LMBRD1: variants seen among roughly 807,000 people sequenced by gnomAD.
The protein encoded by LMBRD1 is LMBR1 domain containing 1.
LMBRD1 carries 64 observed loss-of-function variants against 74.8 expected under a neutral mutation model. That is an observed-to-expected ratio of 0.86 (90% confidence interval 0.70 to 1.05). The LOEUF (loss-of-function observed/expected upper bound fraction) is 1.05. Ranked by LOEUF, LMBRD1 falls within the 50% of genes least tolerant of loss-of-function variation. The probability of loss-of-function intolerance (pLI) is 0.00; values close to 1 mark genes in which losing one functional copy is unlikely to be tolerated. For missense variants in LMBRD1, 652 were observed against 645.9 expected, an observed-to-expected ratio of 1.01 and a Z score of -0.10; for synonymous variants, 204 against 216.3, an observed-to-expected ratio of 0.94 and a Z score of 0.50.
intron 3 of LMBRD1, among the ~76,000 whole-genome samples, chr6:69,779,150 CACTCCAGCCTGGGCA>C (rs1459317849): frequency 7.0e-6 from 1 of 143,746 alleles, no homozygotes; most frequent in Non-Finnish European, 1.5e-5. Context: ...TGTGCCACTG[CACTCCAGCCTGGGCA>C]ACAGGGCGAG....
chr6:69,792,264 G>A (rs1766104127), intron 1 of LMBRD1, among the ~76,000 whole-genome samples: 1 of 152,310 alleles, frequency 6.6e-6, no homozygotes, highest in East Asian at 1.9e-4. Context: ...TCATGACAGT[G>A]TCAAGAGCCT....
chr6:69,699,058 T>A lies in LMBRD1; in HGVS notation c.1323A>T (p.Gln441His). 1 of 1,595,478 alleles carries A rather than the reference T, an allele frequency of 6.3e-7. No individual in the cohort carries two copies. Among genetic ancestry groups the A allele is most frequent in the Non-Finnish European group, 8.6e-7 (1 of 1,164,004 alleles). Residue 441 changes from glutamine to histidine, a missense_variant, in exon 13 of 16, where the codon CAA becomes CAT. Physicochemically the swap from Gln to His is conservative, Grantham distance 24 (BLOSUM62 0). This residue lies in a region of LMBRD1 where 598 missense variants were observed against 581.8 expected (regional missense o/e 1.03). Transcript: ENST00000649934. ...LAPQYVMYGS[Q>H]NYLIETNITS... ...TTTCACTTACCTCTATTAAGTAATT[T>A]TGGCTTCCATACATAACATATTGGG...
chr6:69,783,549 A>AT (rs1389432249), intron 2 of LMBRD1, among the ~76,000 whole-genome samples: 1 of 152,008 alleles, frequency 6.6e-6, no homozygotes, highest in Non-Finnish European at 1.5e-5. Flanking sequence ...TAATTTTTGT[A>AT]TTTTTTGTAG....
intron 3 of LMBRD1, among the ~76,000 whole-genome samples, 191 bp from the exon 4 acceptor site, chr6:69,752,547 T>A (rs1765181716): frequency 6.6e-6 from 1 of 152,170 alleles, no homozygotes; most frequent in South Asian, 2.1e-4. Flanking sequence ...AAATCAACAG[T>A]ATTATCAGAA....
intron 1 of LMBRD1, among the ~76,000 whole-genome samples, chr6:69,792,489 C>T (rs551161513): frequency 4.6e-4 from 70 of 152,324 alleles, no homozygotes; most frequent in Non-Finnish European, 8.8e-4. Flanking sequence ...CATGTCATTG[C>T]TTCATACTGC....
rs1766033656 is a variant in LMBRD1 at position 69,697,635 on chromosome 6, T to C, written c.1345A>G (p.Ile449Val). 6 of 1,570,054 alleles carry C rather than the reference T, an allele frequency of 3.8e-6. No homozygotes were observed. The highest frequency in any genetic ancestry group is 5.3e-6 in the Non-Finnish European group (6 of 1,141,322). Residue 449 changes from isoleucine (I) to valine (V), a missense_variant, in exon 14 of 16, where the codon ATA (isoleucine) becomes GTA (valine). By Grantham distance (29) the Ile-to-Val change is conservative. This residue lies in a region of LMBRD1 where 598 missense variants were observed against 581.8 expected (regional missense o/e 1.03). Coordinates refer to ENST00000649934, the MANE Select transcript of LMBRD1 (RefSeq NM_018368.4). Reference sequence around the variant, plus strand: ...TTGCCTTTATGATTATCAGAAGTTATATTAGTCTGAAAGATAAAAATACAG... The same window carrying C: ...TTGCCTTTATGATTATCAGAAGTTACATTAGTCTGAAAGATAAAAATACAG... ...GSQNYLIETNITSDNHKGNST... is the reference protein window; with the variant it reads ...GSQNYLIETNVTSDNHKGNST...
intron 2 of LMBRD1, among the ~76,000 whole-genome samples, chr6:69,787,183 T>G (rs1765970244): frequency 6.6e-6 from 1 of 152,210 alleles, no homozygotes; most frequent in South Asian, 2.1e-4. Flanking sequence ...GGCACCTGAA[T>G]TCAGTAATAA....
chr6:69,676,220 T>C lies in LMBRD1; in HGVS notation c.1561A>G (p.Ile521Val). 2 of 1,613,494 alleles carry C rather than the reference T, an allele frequency of 1.2e-6. No homozygotes were observed. Among genetic ancestry groups the C allele is most frequent in the South Asian group, 1.1e-5 (1 of 91,076 alleles). Residue 521 changes from isoleucine (I) to valine (V), a missense_variant, in exon 16 of 16, where the codon ATT becomes GTT. Ile to Val is a conservative substitution (Grantham distance 29). Transcript: ENST00000649934. ...TCTGAATCTTCATCTACTCCTTCAA[T>C]AACCGATTTCTTCCCTTTACAACAG... is the stretch of plus-strand genomic sequence containing the variant. Reference protein sequence around the residue: ...VSCCKGKKSVIEGVDEDSDIS... With the variant: ...VSCCKGKKSVVEGVDEDSDIS...
chr6:69,750,012 A>G (rs1450536338), intron 4 of LMBRD1, among the ~76,000 whole-genome samples: 1 of 5,754 alleles, frequency 1.7e-4, no homozygotes, highest in African/African-American at 9.7e-4. Context: ...ACATATACAT[A>G]CTCATATATA....
chr6:69,683,590 T>G (rs1765705292), intron 14 of LMBRD1, among the ~76,000 whole-genome samples: 1 of 152,020 alleles, frequency 6.6e-6, no homozygotes, highest in Non-Finnish European at 1.5e-5. Context: ...TCAAATGAGG[T>G]TATCAACACA....
chr6:69,676,991 A>G (rs1341155303), intron 14 of LMBRD1, among the ~76,000 whole-genome samples: 1 of 152,178 alleles, frequency 6.6e-6, no homozygotes, highest in Non-Finnish European at 1.5e-5. Flanking sequence ...TTCCTCACCC[A>G]TTGTAAGTTT....
chr6:69,795,500 G>A (rs574951048), intron 1 of LMBRD1, among the ~76,000 whole-genome samples: 2 of 152,246 alleles, frequency 1.3e-5, no homozygotes, highest in South Asian at 4.2e-4. Context: ...CTTCTGTACC[G>A]TAAATGTTTA....
intron 8 of LMBRD1, among the ~76,000 whole-genome samples, chr6:69,716,468 T>G (rs1397237681): frequency 6.6e-6 from 1 of 152,150 alleles, no homozygotes; most frequent in Non-Finnish European, 1.5e-5. Context: ...TGGTCTTCTC[T>G]TTTTATATTT....
chr6:69,688,476 C>T (rs1181040445), intron 14 of LMBRD1, among the ~76,000 whole-genome samples: 1 of 150,174 alleles, frequency 6.7e-6, no homozygotes, highest in East Asian at 2.0e-4. Flanking sequence ...TTAGGAATCT[C>T]AGAAGTTCAA....
At chr6:69,757,430 A>C (rs1412135082) in intron 3 of LMBRD1, among the ~76,000 whole-genome samples, 1 of 152,226 alleles carries the variant, frequency 6.6e-6, no homozygotes, top group Non-Finnish European at 1.5e-5. Context: ...TCTAGTAGTC[A>C]ATGATTCAAA....
At chr6:69,703,838 A>G (rs1174894132) in intron 9 of LMBRD1, among the ~76,000 whole-genome samples, 2 of 152,112 alleles carry the variant, frequency 1.3e-5, no homozygotes, top group Non-Finnish European at 2.9e-5. Flanking sequence ...CCAAATTTTA[A>G]CATGTTACCT....
chr6:69,775,510 GC>G (rs1765681259), intron 3 of LMBRD1, among the ~76,000 whole-genome samples: 1 of 152,172 alleles, frequency 6.6e-6, no homozygotes, highest in Non-Finnish European at 1.5e-5. Flanking sequence ...AACTAATGGT[GC>G]AAAAACAACA....
At chr6:69,704,495 T>G (rs901649796) in intron 9 of LMBRD1, among the ~76,000 whole-genome samples, 5 of 152,066 alleles carry the variant, frequency 3.3e-5, no homozygotes, top group Admixed American at 1.3e-4. Context: ...ATTTAGGCAA[T>G]AGGAGCCCCT....
chr6:69,744,924 C>G (rs932571967), intron 5 of LMBRD1, among the ~76,000 whole-genome samples: 1 of 151,860 alleles, frequency 6.6e-6, no homozygotes, highest in African/African-American at 2.4e-5. Context: ...CTCACTGCAA[C>G]CTCTGCCTCC....
Sources: allele counts gnomAD v4.1 joint callset (sites outside exome capture counted in the v4.1 genomes callset), GRCh38; gene constraint gnomAD v4.1.1; regional missense constraint gnomAD v4.1.1; transcripts MANE v1.5; gene names NCBI Gene and HGNC (gene_info 2026-07-23, HGNC 2026-07-21).